Variants in FLNB observed in about 807,000 individuals in gnomAD.
FLNB encodes the protein filamin-B.
A neutral mutation model predicts 250.6 loss-of-function variants in FLNB; 111 were observed. The ratio of observed to expected loss-of-function variants is 0.44; its 90% confidence interval spans 0.38 to 0.52. The LOEUF (loss-of-function observed/expected upper bound fraction) is 0.52, where lower values mean the gene tolerates loss of function less well. Ranked by LOEUF, FLNB falls within the 20% of genes least tolerant of loss-of-function variation. The pLI, the probability that FLNB is intolerant of heterozygous loss-of-function variation, is 0.00. For missense variants in FLNB, 2,869 were observed against 3,447.8 expected, an observed-to-expected ratio of 0.83 and a Z score of 4.20; for synonymous variants, 1,302 against 1,372.1, an observed-to-expected ratio of 0.95 and a Z score of 1.13.
intron 1 of FLNB, among the ~76,000 whole-genome samples, chr3:58,025,157 T>G (rs1334553283): frequency 8.0e-6 from 1 of 124,966 alleles, no homozygotes; most frequent in African/African-American, 3.2e-5. Context: ...TGAGATAGGA[T>G]CTCATTCTGT....
chr3:58,080,494 AT>A (rs5849235), intron 3 of FLNB, among the ~76,000 whole-genome samples: 280 of 129,538 alleles, frequency 2.2e-3, no homozygotes, highest in Middle Eastern at 7.9e-3. Context: ...CCCATTCCCT[AT>A]TTTTTTTTTT....
chr3:58,159,105 T>C (rs961117395), intron 41 of FLNB, among the ~76,000 whole-genome samples: 3 of 152,136 alleles, frequency 2.0e-5, no homozygotes, highest in Non-Finnish European at 4.4e-5. Flanking sequence ...CTTTATAATA[T>C]GTTCCTCCAG....
intron 1 of FLNB, among the ~76,000 whole-genome samples, chr3:58,061,429 A>G (rs892184698): frequency 1.4e-4 from 22 of 152,110 alleles, no homozygotes; most frequent in Non-Finnish European, 4.4e-5. Context: ...AAGATTTATT[A>G]TAAAAGTAAC....
intron 1 of FLNB, among the ~76,000 whole-genome samples, chr3:58,066,329 C>G (rs928703439): frequency 6.6e-6 from 1 of 151,500 alleles, no homozygotes; most frequent in Non-Finnish European, 1.5e-5. Context: ...AAGCTATTCT[C>G]CTGCCTCGGC....
In FLNB at chr3:58,124,373, C is replaced by G; in HGVS notation, c.3766C>G (p.Arg1256Gly). The G allele has an allele frequency of 6.2e-7, 1 of 1,614,224 alleles. No individual in the cohort carries two copies. Among genetic ancestry groups the G allele is most frequent in the Non-Finnish European group, 8.5e-7 (1 of 1,180,044 alleles). Reference protein sequence around the residue: ...EATTDFTVDSRPLTQVGGDHI... With the variant: ...EATTDFTVDSGPLTQVGGDHI... ...TACCACCGACTTTACAGTTGACTCT[C>G]GGCCGCTGACCCAGGTTGGGGGTGA... Residue 1256 changes from arginine to glycine, a missense_variant, in exon 22 of 46, where the codon CGG becomes GGG. Physicochemically the swap from Arg to Gly is moderately radical, Grantham distance 125. Around this residue, in one of 5 missense-constraint regions of FLNB, gnomAD observed 1,348 missense variants for 1,466.7 expected, o/e 0.92. Transcript: ENST00000295956.
intron 1 of FLNB, among the ~76,000 whole-genome samples, chr3:58,072,608 G>A (rs1333206699): frequency 1.3e-5 from 2 of 152,094 alleles, no homozygotes; most frequent in Non-Finnish European, 2.9e-5. Flanking sequence ...TGGGCAAGTC[G>A]CCATCTTTTT....
At chr3:58,154,295 C>T (rs1028785104) in intron 39 of FLNB, among the ~76,000 whole-genome samples, 1 of 152,134 alleles carries the variant, frequency 6.6e-6, no homozygotes, top group Non-Finnish European at 1.5e-5. Flanking sequence ...GTAACTCTAG[C>T]ACTTTGCAAG....
intron 1 of FLNB, among the ~76,000 whole-genome samples, chr3:58,028,295 G>C (rs1294084350): frequency 6.6e-6 from 1 of 152,146 alleles, no homozygotes; most frequent in African/African-American, 2.4e-5. Context: ...TACAAACGAA[G>C]ATCGAACAGG....
At chr3:58,135,924 GAATGTTTTCTACATCTTGAC>G in intron 27 of FLNB, 35 bp from the exon 28 acceptor site, 1 of 1,571,052 alleles carries the variant, frequency 6.4e-7, no homozygotes, top group East Asian at 2.2e-5. Context: ...GGTTTTCCAT[GAATGTTTTCTACATCTTGAC>G]AACATCCTAA....
At chr3:58,035,028 C>T (rs1016469131) in intron 1 of FLNB, among the ~76,000 whole-genome samples, 8 of 152,194 alleles carry the variant, frequency 5.3e-5, no homozygotes, top group Non-Finnish European at 8.8e-5. Context: ...ACATGTTCTA[C>T]CTGAAATTGG....
chr3:58,035,438 TGA>T (rs754884401), intron 1 of FLNB, among the ~76,000 whole-genome samples: 2 of 152,278 alleles, frequency 1.3e-5, no homozygotes, highest in South Asian at 2.1e-4. Flanking sequence ...TCTGTAGACT[TGA>T]GGGATTTCCA....
At chr3:58,109,981 G>C (rs1358371921) in intron 15 of FLNB, 29 bp from the exon 16 acceptor site, 1 of 1,613,836 alleles carries the variant, frequency 6.2e-7, no homozygotes, top group African/African-American at 1.3e-5. Context: ...TTTCTTGTAA[G>C]CTGGTGCTAA....
In FLNB at chr3:58,105,934, G is replaced by A. The variant is rs186248543; in HGVS notation, c.1747+718G>A. Among the ~76,000 whole-genome samples, 337 of 152,282 alleles carry A rather than the reference G, an allele frequency of 2.2e-3. 1 individual carries two copies. Among genetic ancestry groups the A allele is most frequent in the Non-Finnish European group, 3.2e-3 (221 of 68,034 alleles). ...CTAGAGAGATGATATGAATCGTCTTGTATATTCTTAGTCTAGAGATAATAT... is the reference window on the plus strand; with the variant it reads ...CTAGAGAGATGATATGAATCGTCTTATATATTCTTAGTCTAGAGATAATAT... On this transcript the variant is annotated intron_variant, in intron 11 of 45. Transcript: ENST00000295956.
In FLNB at chr3:58,143,541, A is replaced by G; in HGVS notation, c.5353A>G (p.Thr1785Ala). 2 of 1,614,188 alleles carry G rather than the reference A, an allele frequency of 1.2e-6. No individual in the cohort carries two copies. Among genetic ancestry groups the G allele is most frequent in the African/African-American group, 1.3e-5 (1 of 75,050 alleles). ...TGTGGACAACAAGGACGGCACGGTCACTGTTAGATATGCCCCCACTGAGGT... is the reference window on the plus strand; with the variant it reads ...TGTGGACAACAAGGACGGCACGGTCGCTGTTAGATATGCCCCCACTGAGGT... ...EIVDNKDGTV[T>A]VRYAPTEVGL... Residue 1785 changes from threonine to alanine, a missense_variant, in exon 32 of 46, where the codon ACT becomes GCT. By Grantham distance (58) the Thr-to-Ala change is moderately conservative (BLOSUM62 0). Transcript: ENST00000295956.
At chr3:58,130,014 C>T (rs2097304209) in intron 24 of FLNB, among the ~76,000 whole-genome samples, 1 of 152,180 alleles carries the variant, frequency 6.6e-6, no homozygotes, top group Admixed American at 6.5e-5. Flanking sequence ...CTCAGGGTCC[C>T]CCGGGGGGTC....
At chr3:58,154,144 A>G (rs1003038025) in intron 39 of FLNB, among the ~76,000 whole-genome samples, 1 of 152,318 alleles carries the variant, frequency 6.6e-6, no homozygotes, top group African/African-American at 2.4e-5. Context: ...GGGTCCCACT[A>G]TCTTGCTCAG....
chr3:58,103,867 G>A, intron 9 of FLNB, 92 bp from the exon 10 acceptor site: 2 of 1,502,610 alleles, frequency 1.3e-6, no homozygotes, highest in Non-Finnish European at 1.9e-6. Flanking sequence ...TTTATGTTTT[G>A]TTCAGTGTGG....
intron 8 of FLNB, 89 bp downstream of exon 8, chr3:58,098,997 C>A: frequency 9.1e-7 from 1 of 1,096,446 alleles, no homozygotes; most frequent in Non-Finnish European, 1.4e-6. Flanking sequence ...AGTCAGGGCC[C>A]AACATTGACC....
intron 1 of FLNB, among the ~76,000 whole-genome samples, chr3:58,071,230 A>G (rs2097193965): frequency 6.7e-6 from 1 of 149,316 alleles, no homozygotes; most frequent in African/African-American, 2.5e-5. Context: ...CTGGGATTAC[A>G]GAGATGAACC....
Sources: gnomAD v4.1 joint callset for allele counts (sites outside exome capture counted in the v4.1 genomes callset) on GRCh38, gnomAD v4.1.1 for gene constraint, gnomAD v4.1.1 regional missense constraint, MANE v1.5 for transcripts, NCBI Gene and HGNC (gene_info 2026-07-23, HGNC 2026-07-21) for gene names.